REPS1: variants seen among roughly 807,000 people sequenced by gnomAD.
REPS1 encodes ralBP1-associated Eps domain-containing protein 1.
Under a neutral mutation model 100.9 loss-of-function variants are expected in REPS1, and 39 were observed. That is an observed-to-expected ratio of 0.39 (90% CI 0.30 to 0.50). The LOEUF (loss-of-function observed/expected upper bound fraction) is 0.50. Ranked by LOEUF, REPS1 falls within the 20% of genes least tolerant of loss-of-function variation. The probability of loss-of-function intolerance (pLI) is 0.86; values close to 1 mark genes in which losing one functional copy is unlikely to be tolerated. For missense variants in REPS1, 821 were observed against 968.5 expected (o/e 0.85, Z 2.02); for synonymous variants, 324 against 340.3 (o/e 0.95, Z 0.53).
chr6:138,941,419 C>T lies in REPS1; in HGVS notation c.1051G>A (p.Val351Ile), dbSNP rs1447945126. The T allele has an allele frequency of 1.2e-6, 2 of 1,613,928 alleles. No homozygotes were observed. The highest frequency in any genetic ancestry group is 1.7e-6 in the Non-Finnish European group (2 of 1,179,956). ...DEFCAAFHLV[V>I]ARKNGYDLPE... ...AAATCATAGCCATTCTTCCTAGCAA[C>T]CACCAGATGAAAAGCAGCACAAAAC... Residue 351 changes from valine to isoleucine, a missense_variant, in exon 8 of 20, where the codon GTT becomes ATT. Val to Ile is a conservative substitution (Grantham distance 29). This residue lies in a region of REPS1 where 757 missense variants were observed against 866.4 expected (regional missense o/e 0.87). Transcript: ENST00000450536.
At position 138,947,923 on chromosome 6, in the gene REPS1, A is replaced by G; in HGVS notation, c.154-10T>C. 6.3e-7 allele frequency: 1 copy of G among 1,575,804 alleles called. No individual in the cohort carries two copies. The highest frequency in any genetic ancestry group is 8.6e-7 in the Non-Finnish European group (1 of 1,167,258). On this transcript the variant is annotated splice_polypyrimidine_tract_variant and intron_variant, in intron 1 of 19. Coordinates refer to ENST00000450536, the MANE Select transcript of REPS1 (RefSeq NM_001286611.2). The stretch of plus-strand genomic sequence containing the variant: ...CACAAAGCTCCATGATCTATAAAAT[A>G]ACATAATGTTAACATTAAGATTCAC...
intron 2 of REPS1, among the ~76,000 whole-genome samples, chr6:138,947,035 G>GCTCTCGCT (rs1782663755): frequency 1.5e-5 from 2 of 137,636 alleles, no homozygotes; most frequent in Non-Finnish European, 3.1e-5. Context: ...ATTCCCCCTT[G>GCTCTCGCT]CTCTCTCTCT....
At chr6:138,943,737 T>A (rs1037054960) in intron 6 of REPS1, 116 bp downstream of exon 6, 77 of 1,075,000 alleles carry the variant, frequency 7.2e-5, no homozygotes, top group Non-Finnish European at 7.8e-6. Flanking sequence ...TTTAGACAAA[T>A]AATCTGATAA....
chr6:138,981,886 A>G (rs1784974859), intron 1 of REPS1, among the ~76,000 whole-genome samples: 1 of 151,596 alleles, frequency 6.6e-6, no homozygotes, highest in Non-Finnish European at 1.5e-5. Context: ...CTAAAACTCT[A>G]ACTCTGGGCT....
At chr6:138,911,151 C>T (rs1389281385) in intron 17 of REPS1, 125 bp downstream of exon 17, 3 of 648,326 alleles carry the variant, frequency 4.6e-6, no homozygotes, top group African/African-American at 3.7e-5. Flanking sequence ...CTGAGCTAGA[C>T]TGACTATACT....
At chr6:138,970,366 TCCA>T (rs1784275035) in intron 1 of REPS1, among the ~76,000 whole-genome samples, 1 of 148,786 alleles carries the variant, frequency 6.7e-6, no homozygotes. Context: ...AGAGACAATA[TCCA>T]CCAAGAAGTG....
At chr6:138,980,297 T>C (rs1390995885) in intron 1 of REPS1, among the ~76,000 whole-genome samples, 2 of 152,204 alleles carry the variant, frequency 1.3e-5, no homozygotes, top group Non-Finnish European at 2.9e-5. Flanking sequence ...AGTATTCTTT[T>C]TGCTCATACA....
intron 9 of REPS1, chr6:138,928,192 C>T (rs886959851): frequency 3.3e-5 from 5 of 152,154 alleles, no homozygotes; most frequent in South Asian, 2.1e-4. Context: ...TTATCTACCT[C>T]ATAAGATTGT....
chr6:138,938,904 G>A (rs569192207), intron 8 of REPS1, among the ~76,000 whole-genome samples: 7 of 150,658 alleles, frequency 4.6e-5, no homozygotes, highest in Non-Finnish European at 8.8e-5. Flanking sequence ...CTGGAATGCA[G>A]TGGCGTGATC....
chr6:138,942,598 C>T (rs775104610), intron 7 of REPS1, among the ~76,000 whole-genome samples: 18 of 152,072 alleles, frequency 1.2e-4, no homozygotes, highest in Non-Finnish European at 2.6e-4. Flanking sequence ...TGCACCACCA[C>T]ACCTTGCTAA....
At chr6:138,953,918 T>C (rs999533753) in intron 1 of REPS1, among the ~76,000 whole-genome samples, 3 of 152,116 alleles carry the variant, frequency 2.0e-5, no homozygotes, top group African/African-American at 4.8e-5. Flanking sequence ...CTATTCACAA[T>C]AGCCAAGATA....
chr6:138,926,446 T>C lies in REPS1; in HGVS notation c.1293A>G (p.Ser431=). The part of the protein sequence containing the change: ...WETFSERSSS[S]QTLTQFDSNI... Reference sequence around the variant, plus strand: ...TAGAATCAAATTGGGTCAGAGTTTGTGAGCTTGAAGAGCGTTCACTAAATG... The same window carrying C: ...TAGAATCAAATTGGGTCAGAGTTTGCGAGCTTGAAGAGCGTTCACTAAATG... Residue 431 remains serine, a synonymous_variant, in exon 10 of 20, where the codon TCA becomes TCG. Transcript: ENST00000450536. 1.2e-6 allele frequency: 2 copies of C among 1,613,296 alleles called. No individual in the cohort carries two copies. Among genetic ancestry groups the C allele is most frequent in the Non-Finnish European group, 1.7e-6 (2 of 1,179,624 alleles).
At chr6:138,955,457 A>AAGTGTGTGTGTGT (rs10689184) in intron 1 of REPS1, among the ~76,000 whole-genome samples, 5,992 of 90,262 alleles carry the variant, frequency 0.066, 277 homozygotes, top group South Asian at 0.11. Flanking sequence ...AAAAAAAAAA[A>AAGTGTGTGTGTGT]GTGTGTGTGT....
intron 1 of REPS1, among the ~76,000 whole-genome samples, chr6:138,948,243 A>G (rs1163347242): frequency 6.6e-6 from 1 of 152,172 alleles, no homozygotes; most frequent in Non-Finnish European, 1.5e-5. Context: ...CAATAGGACC[A>G]TGTGACTAAG....
rs113892980 is a variant in REPS1, at chr6:138,913,101, T to G, written c.1786-151A>C. 1.1e-5 allele frequency: 6 copies of G among 548,196 alleles called. No homozygotes were observed. The East Asian group carries it at 1.9e-4, about 18-fold the overall frequency. 34.0% of individuals were successfully genotyped at this position (548,196 alleles called of 1,614,324 possible). ...GAGGTGTATTATAGTAACATTTAGC[T>G]CTAAAGAAATGATTAAACCATAAGT... On this transcript the variant is annotated intron_variant, in intron 15 of 19. Transcript: ENST00000450536.
intron 7 of REPS1, among the ~76,000 whole-genome samples, chr6:138,942,287 T>C (rs1172650967): frequency 6.6e-6 from 1 of 152,214 alleles, no homozygotes; most frequent in African/African-American, 2.4e-5. Flanking sequence ...ATAGCATGCA[T>C]ATATTACTAG....
chr6:138,911,906 G>A (rs974375805), intron 16 of REPS1, among the ~76,000 whole-genome samples: 3 of 152,144 alleles, frequency 2.0e-5, no homozygotes, highest in African/African-American at 7.2e-5. Flanking sequence ...GGGTGAGGAT[G>A]CAGCCACTGC....
In REPS1 at chr6:138,920,325, G is replaced by A. The variant is rs776303839; in HGVS notation, c.1427-9C>T. 2 of 1,393,868 alleles carry A rather than the reference G, an allele frequency of 1.4e-6. No individual in the cohort carries two copies. The highest frequency in any genetic ancestry group is 3.4e-5 in the Admixed American group (2 of 59,360). The allele number at this position is 1,393,868 out of a possible 1,614,324, so 86.3% of individuals were successfully genotyped here. A position where few individuals can be genotyped will look rare whatever the true frequency, so the allele number is the denominator to read the frequency against. ...AGTGGGATTTGTATGATCTAATAGA[G>A]AATTAATAGGTAAAAATACAAGACA... is the stretch of plus-strand genomic sequence containing the variant. On this transcript the variant is annotated splice_polypyrimidine_tract_variant and intron_variant, in intron 11 of 19. Coordinates refer to ENST00000450536, the MANE Select transcript of REPS1 (RefSeq NM_001286611.2).
chr6:138,948,746 C>T (rs1782800658), intron 1 of REPS1, among the ~76,000 whole-genome samples: 1 of 152,106 alleles, frequency 6.6e-6, no homozygotes, highest in African/African-American at 2.4e-5. Flanking sequence ...ATAGAGAGAG[C>T]AGTTTTAGTC....
Sources: allele counts gnomAD v4.1 joint callset (sites outside exome capture counted in the v4.1 genomes callset), GRCh38; gene constraint gnomAD v4.1.1; regional missense constraint gnomAD v4.1.1; transcripts MANE v1.5; gene names NCBI Gene and HGNC (gene_info 2026-07-23, HGNC 2026-07-21).